Variants in TBC1D22A observed in about 807,000 individuals in gnomAD.
The protein encoded by TBC1D22A is putative GTPase activator.
Under a neutral mutation model 60.2 loss-of-function variants are expected in TBC1D22A, and 38 were observed. The observed-to-expected ratio is 0.63, with a 90% CI of 0.49 to 0.83. TBC1D22A has a LOEUF of 0.83. Among genes scored for constraint, TBC1D22A ranks in the 40% least tolerant of loss-of-function variants. The pLI is 0.00. For missense variants in TBC1D22A, 628 were observed against 701.0 expected, an observed-to-expected ratio of 0.90 and a Z score of 1.18; for synonymous variants, 302 against 281.7, an observed-to-expected ratio of 1.07 and a Z score of -0.72.
chr22:46,984,253 T>C (rs951176797), intron 9 of TBC1D22A, among the ~76,000 whole-genome samples: 3 of 150,192 alleles, frequency 2.0e-5, no homozygotes, highest in Admixed American at 2.0e-4. Flanking sequence ...TGTAATCCCA[T>C]CTACTTGGGA....
intron 10 of TBC1D22A, among the ~76,000 whole-genome samples, chr22:47,021,445 T>C (rs1301173154): frequency 3.7e-3 from 333 of 89,456 alleles, no homozygotes; most frequent in Middle Eastern, 0.018. Flanking sequence ...TAGCAGAACC[T>C]CACCTGTCGC....
intron 1 of TBC1D22A, among the ~76,000 whole-genome samples, chr22:46,787,057 T>G (rs548220880): frequency 6.6e-6 from 1 of 152,332 alleles, no homozygotes; most frequent in Admixed American, 6.5e-5. Flanking sequence ...GTTTCAGTTG[T>G]GTGTATCTTT....
intron 11 of TBC1D22A, among the ~76,000 whole-genome samples, chr22:47,056,571 C>T (rs1569398682): frequency 6.6e-6 from 1 of 152,192 alleles, no homozygotes; most frequent in Non-Finnish European, 1.5e-5. Context: ...CCTCTCCACC[C>T]CGTCTGTGCA....
intron 8 of TBC1D22A, chr22:46,915,651 C>G (rs1157042102): frequency 6.6e-6 from 3 of 456,592 alleles, no homozygotes; most frequent in South Asian, 4.6e-5. Context: ...TAAGAAATCC[C>G]CGGGGTGTGG....
At chr22:47,010,347 C>G (rs545176827) in intron 10 of TBC1D22A, among the ~76,000 whole-genome samples, 56 of 152,312 alleles carry the variant, frequency 3.7e-4, no homozygotes, top group African/African-American at 1.3e-3. Context: ...CCCCCTGGCT[C>G]TCGTCCTCAT....
rs563455059 is a variant in TBC1D22A, at chr22:46,968,256, C to T, written c.1016-6034C>T. Among the ~76,000 whole-genome samples, 28 of 152,298 alleles carry T rather than the reference C, an allele frequency of 1.8e-4. No homozygotes were observed. In the South Asian group the frequency reaches 3.7e-3, roughly 20 times the overall value. ...GCTGTGCGGGGTCCTGCTGTGAACC[C>T]GATGAAAAGCATGTAGACTAATCAG... On this transcript the variant is annotated intron_variant, in intron 8 of 12. Transcript: ENST00000337137.
chr22:46,909,039 T>C (rs2069700365), intron 7 of TBC1D22A, among the ~76,000 whole-genome samples: 1 of 152,130 alleles, frequency 6.6e-6, no homozygotes, highest in Non-Finnish European at 1.5e-5. Context: ...CGGGAGCTTG[T>C]TGTGCCGAGA....
At chr22:47,139,381 A>C (rs374049584) in intron 12 of TBC1D22A, among the ~76,000 whole-genome samples, 13 of 152,276 alleles carry the variant, frequency 8.5e-5, no homozygotes, top group South Asian at 4.1e-4. Flanking sequence ...GCAGGTGTGC[A>C]CCTCGAGACA....
rs1453371828 is a variant in TBC1D22A at position 46,909,287 on chromosome 22, T to TATACAC, written c.901-2779_901-2774dup. Among the ~76,000 whole-genome samples, 11 of 126,944 alleles carry TATACAC rather than the reference T, an allele frequency of 8.7e-5. No individual in the cohort carries two copies. In the South Asian group the frequency reaches 2.1e-3, roughly 25 times the overall value. The allele number at this position is 126,944 out of a possible 152,430, so 83.3% of individuals were successfully genotyped here. ...GGTGCTCCACTGCCTAAATTCTTCC[T>TATACAC]ATACACATACACACACACACACACA... On this transcript the variant is annotated intron_variant, in intron 7 of 12. Coordinates refer to ENST00000337137, the MANE Select transcript of TBC1D22A (RefSeq NM_014346.5).
intron 4 of TBC1D22A, among the ~76,000 whole-genome samples, chr22:46,825,961 C>T (rs1457683622): frequency 2.7e-5 from 4 of 150,870 alleles, no homozygotes; most frequent in Non-Finnish European, 5.9e-5. Context: ...CGGCTTACTG[C>T]AAGCTCCATC....
At chr22:47,001,117 G>A (rs1569321664) in intron 10 of TBC1D22A, among the ~76,000 whole-genome samples, 1 of 152,058 alleles carries the variant, frequency 6.6e-6, no homozygotes, top group Admixed American at 6.5e-5. Flanking sequence ...ATAGTGACAC[G>A]TGAGGGCAAA....
chr22:46,905,925 G>A (rs947451706), intron 7 of TBC1D22A, among the ~76,000 whole-genome samples: 1 of 152,230 alleles, frequency 6.6e-6, no homozygotes, highest in Non-Finnish European at 1.5e-5. Flanking sequence ...AGGCTGATCT[G>A]TGGTAGCATT....
intron 3 of TBC1D22A, 117 bp from the exon 4 acceptor site, chr22:46,797,327 T>C: frequency 8.7e-7 from 1 of 1,146,356 alleles, no homozygotes; most frequent in South Asian, 1.4e-5. Flanking sequence ...TCCCCACTGC[T>C]GAGTGATGGG....
At chr22:46,949,243 T>C (rs573485562) in intron 8 of TBC1D22A, among the ~76,000 whole-genome samples, 2 of 152,316 alleles carry the variant, frequency 1.3e-5, no homozygotes, top group East Asian at 3.9e-4. Context: ...GGAACCACCA[T>C]GAGCATGACA....
At chr22:47,103,023 A>C (rs764608582) in intron 11 of TBC1D22A, among the ~76,000 whole-genome samples, 1 of 152,142 alleles carries the variant, frequency 6.6e-6, no homozygotes, top group Non-Finnish European at 1.5e-5. Flanking sequence ...AAGGAAAGAC[A>C]CACATTTCTT....
intron 11 of TBC1D22A, among the ~76,000 whole-genome samples, chr22:47,048,204 C>T (rs1276570176): frequency 6.6e-6 from 1 of 152,098 alleles, no homozygotes; most frequent in East Asian, 1.9e-4. Flanking sequence ...GTGTGTGGAC[C>T]CGTCTTATGT....
chr22:47,026,083 AATGTAATTCTT>A (rs764861373), intron 10 of TBC1D22A, among the ~76,000 whole-genome samples: 3 of 152,266 alleles, frequency 2.0e-5, no homozygotes, highest in Non-Finnish European at 4.4e-5. Context: ...ATTTTCAGTC[AATGTAATTCTT>A]ATTATTAACA....
chr22:47,078,364 AGG>A (rs1272107084), intron 11 of TBC1D22A, among the ~76,000 whole-genome samples: 1 of 152,220 alleles, frequency 6.6e-6, no homozygotes, highest in Non-Finnish European at 1.5e-5. Context: ...ATGTAGAAAA[AGG>A]GTGAGAATTG....
At chr22:47,068,950 G>C (rs575631342) in intron 11 of TBC1D22A, among the ~76,000 whole-genome samples, 1 of 152,152 alleles carries the variant, frequency 6.6e-6, no homozygotes, top group East Asian at 1.9e-4. Context: ...AGTTTAATAC[G>C]TAATTAGACA....
Sources: allele counts gnomAD v4.1 joint callset (sites outside exome capture counted in the v4.1 genomes callset), GRCh38; gene constraint gnomAD v4.1.1; transcripts MANE v1.5; gene names NCBI Gene and HGNC (gene_info 2026-07-23, HGNC 2026-07-21).